The following PSG7 variants were observed in gnomAD, a reference collection of about 807,000 sequenced individuals.
PSG7 encodes pregnancy specific beta-1-glycoprotein 7.
Under a neutral mutation model 45.6 loss-of-function variants are expected in PSG7, and 57 were observed. That is an observed-to-expected ratio of 1.25 (90% CI 1.01 to 1.56). The LOEUF (loss-of-function observed/expected upper bound fraction) is 1.56. Ranked by LOEUF, PSG7 falls within the 40% of genes most tolerant of loss-of-function variation. PSG7 has a pLI of 0.00. For missense variants in PSG7, 796 were observed against 508.4 expected, an observed-to-expected ratio of 1.57 and a Z score of -5.44; for synonymous variants, 298 against 194.4, an observed-to-expected ratio of 1.53 and a Z score of -4.43.
chr19:42,932,256 C>T (rs1194556990), intron 2 of PSG7, among the ~76,000 whole-genome samples: 3 of 151,458 alleles, frequency 2.0e-5, no homozygotes, highest in Non-Finnish European at 4.4e-5. Context: ...ATCTCCTGAC[C>T]TTGTGCCTGC....
rs782164775 is a variant in PSG7, at chr19:42,935,471, A to C, written c.363T>G (p.Thr121=). 1 of 1,612,140 alleles carries C rather than the reference A, an allele frequency of 6.2e-7. No homozygotes were observed. The highest frequency in any genetic ancestry group is 1.7e-5 in the Admixed American group (1 of 59,880). The stretch of plus-strand genomic sequence containing the variant: ...CATCACCTCGCTTTATGATGTGTAA[A>C]GTGTAGGATCCTGTGTCTTCCTGGG... ...NVTQEDTGSY[T]LHIIKRGDGT... is the part of the protein sequence containing the mutation. The change falls in exon 2 of 6, where the codon ACT becomes ACG. Residue 121 remains threonine (T), a synonymous_variant. Coordinates refer to ENST00000406070, the MANE Select transcript of PSG7 (RefSeq NM_002783.3).
At position 42,926,487 on chromosome 19, in the gene PSG7, C is replaced by G; in HGVS notation, c.939G>C (p.Arg313=). Residue 313 remains arginine, a synonymous_variant, in exon 4 of 6, where the codon CGG becomes CGC. Coordinates refer to ENST00000406070, the MANE Select transcript of PSG7 (RefSeq NM_002783.3). Reference sequence around the variant, plus strand: ...CACTGCGGATGCCACCATATCGGTCCCGTATTTCACATTGATAGGGTCCTG... The same window carrying G: ...CACTGCGGATGCCACCATATCGGTCGCGTATTTCACATTGATAGGGTCCTG... ...NETGPYQCEI[R]DRYGGIRSDP... 6.2e-7 allele frequency: 1 copy of G among 1,611,468 alleles called. No homozygotes were observed. The highest frequency in any genetic ancestry group is 1.3e-5 in the African/African-American group (1 of 74,666).
rs1301704518 is a variant in PSG7, at chr19:42,936,896, C to T, written c.64+117G>A. The T allele has an allele frequency of 2.0e-6, 3 of 1,464,542 alleles. No homozygotes were observed. The African/African-American group carries it at 4.2e-5, about 21-fold the overall frequency. The allele number at this position is 1,464,542 out of a possible 1,614,324, so 90.7% of individuals were successfully genotyped here. A position where few individuals can be genotyped will look rare whatever the true frequency, so the allele number is the denominator to read the frequency against. Reference sequence around the variant, plus strand: ...ACTCCTGATCTCTTGATCCACCCACCTCAGCCTCCCAAAGTGCTGGCTTCT... The same window carrying T: ...ACTCCTGATCTCTTGATCCACCCACTTCAGCCTCCCAAAGTGCTGGCTTCT... On this transcript the variant is annotated intron_variant, in intron 1 of 5. Coordinates refer to ENST00000406070, the MANE Select transcript of PSG7 (RefSeq NM_002783.3).
In PSG7 at chr19:42,928,644, C is replaced by T. The variant is rs578044108; in HGVS notation, c.709+798G>A. On this transcript the variant is annotated intron_variant, in intron 3 of 5. Coordinates refer to ENST00000406070, the MANE Select transcript of PSG7 (RefSeq NM_002783.3). ...GAAAGAGTGAAGGGTACAGGCAAAACCTGGTGGTTTTGGAGCAGAAATATA... is the reference window on the plus strand; with the variant it reads ...GAAAGAGTGAAGGGTACAGGCAAAATCTGGTGGTTTTGGAGCAGAAATATA... 2.6e-4 allele frequency among the ~76,000 whole-genome samples: 40 copies of T among 151,360 alleles called. 1 individual carries two copies. Among genetic ancestry groups the T allele is most frequent in the African/African-American group, 7.0e-4 (29 of 41,200 alleles).
At chr19:42,929,081 G>T (rs556064212) in intron 3 of PSG7, 4 of 342,902 alleles carry the variant, frequency 1.2e-5, no homozygotes, top group Admixed American at 4.0e-5. Context: ...GATATTGTCA[G>T]AGGGAAGGTA....
intron 3 of PSG7, among the ~76,000 whole-genome samples, chr19:42,928,905 C>T (rs1053141344): frequency 6.6e-6 from 1 of 151,502 alleles, no homozygotes; most frequent in South Asian, 2.1e-4. Context: ...AACACTTGTA[C>T]TGATTGCTGG....
chr19:42,932,546 C>G (rs1973043419), intron 2 of PSG7, among the ~76,000 whole-genome samples: 1 of 151,424 alleles, frequency 6.6e-6, no homozygotes, highest in African/African-American at 2.4e-5. Flanking sequence ...CTTCCAGCCT[C>G]TGACACCCTG....
At position 42,924,603 on chromosome 19, in the gene PSG7, T is replaced by C. The variant is rs1972485904; in HGVS notation, c.*205A>G. ...CCACAGTGTGAAGTCATCAACTTGT[T>C]TTCCTTGTTTACAGTTTGAGCAGCT... On this transcript the variant is annotated 3_prime_UTR_variant, in exon 6 of 6. Coordinates refer to ENST00000406070, the MANE Select transcript of PSG7 (RefSeq NM_002783.3). 4.7e-6 allele frequency: 3 copies of C among 637,894 alleles called. No individual in the cohort carries two copies. The highest frequency in any genetic ancestry group is 8.4e-6 in the Non-Finnish European group (3 of 357,008). The allele number at this position is 637,894 out of a possible 1,614,324, so 39.5% of individuals were successfully genotyped here. A position where few individuals can be genotyped will look rare whatever the true frequency, so the allele number is the denominator to read the frequency against.
chr19:42,925,848 C>T lies in PSG7; in HGVS notation c.1168G>A (p.Gly390Arg), dbSNP rs373375784. 7.0e-5 allele frequency: 113 copies of T among 1,611,910 alleles called. 2 individuals are homozygous for T. The highest frequency in any genetic ancestry group is 8.2e-5 in the Non-Finnish European group (97 of 1,179,044). ...SIPQITTKHS[G>R]LYACSVRNSA... is the part of the protein sequence containing the mutation. Reference sequence around the variant, plus strand: ...TTACGAACAGAGCAAGCATAGAGCCCGCTATGCTTTGTAGTAATCTGGGGG... The same window carrying T: ...TTACGAACAGAGCAAGCATAGAGCCTGCTATGCTTTGTAGTAATCTGGGGG... The change falls in exon 5 of 6, where the codon GGG (glycine) becomes AGG (arginine). Residue 390 changes from glycine (G) to arginine (R), a missense_variant. Physicochemically the swap from Gly to Arg is moderately radical, Grantham distance 125. Coordinates refer to ENST00000406070, the MANE Select transcript of PSG7 (RefSeq NM_002783.3).
intron 3 of PSG7, chr19:42,926,987 C>T: frequency 5.0e-6 from 3 of 601,906 alleles, no homozygotes; most frequent in Non-Finnish European, 8.0e-6. Context: ...GTGGGAGTCA[C>T]AGCGCCTGGT....
intron 2 of PSG7, among the ~76,000 whole-genome samples, chr19:42,930,879 C>T (rs902720972): frequency 2.0e-5 from 3 of 151,630 alleles, no homozygotes; most frequent in African/African-American, 4.8e-5. Context: ...ATAAAGTGCT[C>T]CTTATGCAGA....
intron 2 of PSG7, among the ~76,000 whole-genome samples, chr19:42,930,130 G>A (rs952555917): frequency 6.6e-6 from 1 of 151,592 alleles, no homozygotes. Context: ...TTTCTCTTCA[G>A]CTTCCCTTTC....
Position 42,937,019 on chromosome 19 carries a change from G to C in PSG7, c.58C>G (p.Leu20Val), listed in dbSNP as rs568904102. 2.5e-5 allele frequency: 41 copies of C among 1,611,352 alleles called. No homozygotes were observed. In the East Asian group the frequency reaches 8.3e-4, roughly 32 times the overall value. Reference protein sequence around the residue: ...TQHITWKGLLLTASLLNFWNP... With the variant: ...TQHITWKGLLVTASLLNFWNP... Reference sequence around the variant, plus strand: ...CAGGAAGTTCTCTCCTCACCTGTGAGCAGGAGCCCTTTCCAGGTTATATGC... The same window carrying C: ...CAGGAAGTTCTCTCCTCACCTGTGACCAGGAGCCCTTTCCAGGTTATATGC... The change falls in exon 1 of 6, where the codon CTC (leucine) becomes GTC (valine). Residue 20 changes from leucine (L) to valine (V), a missense_variant. Physicochemically the swap from Leu to Val is conservative, Grantham distance 32 (BLOSUM62 1). Transcript: ENST00000406070.
rs770203985 is a variant in PSG7, at chr19:42,930,335, C to G, written c.431-615G>C. 3.8e-4 allele frequency among the ~76,000 whole-genome samples: 58 copies of G among 151,618 alleles called. 1 individual carries two copies. Among genetic ancestry groups the G allele is most frequent in the Admixed American group, 7.9e-4 (12 of 15,194 alleles). ...AGTTTTCCCAGGTGTCTCATAGTGA[C>G]TGACTTGAGCCAGTGACCTCTAAAG... is the stretch of plus-strand genomic sequence containing the variant. On this transcript the variant is annotated intron_variant, in intron 2 of 5. Transcript: ENST00000406070.
rs1332793302 is a variant in PSG7, at chr19:42,937,100, C to T, written c.-24G>A. ...ATGGTCTCTGCTCCCTGCGTGTTCT[C>T]CTCTGTGGAGATGAGCCTAGGATCC... On this transcript the variant is annotated 5_prime_UTR_variant, in exon 1 of 6. Coordinates refer to ENST00000406070, the MANE Select transcript of PSG7 (RefSeq NM_002783.3). 1 of 1,608,074 alleles carries T rather than the reference C, an allele frequency of 6.2e-7. No homozygotes were observed. The highest frequency in any genetic ancestry group is 2.2e-5 in the East Asian group (1 of 44,662).
intron 2 of PSG7, among the ~76,000 whole-genome samples, chr19:42,933,885 G>T (rs530585110): frequency 4.6e-4 from 70 of 151,496 alleles, no homozygotes; most frequent in African/African-American, 1.3e-3. Flanking sequence ...GGCTTTAGGG[G>T]CAAGAGGTAG....
rs191278695 is a variant in PSG7 at position 42,935,378 on chromosome 19, C to T, written c.430+26G>A. ...TAGAAATGACCCCTGCCCCCCAACA[C>T]CCAGGGACCATGTGGAATCACTCAC... On this transcript the variant is annotated intron_variant, in intron 2 of 5. Coordinates refer to ENST00000406070, the MANE Select transcript of PSG7 (RefSeq NM_002783.3). The T allele has an allele frequency of 2.2e-5, 36 of 1,610,792 alleles. No individual in the cohort carries two copies. The East Asian group carries it at 2.7e-4, about 12-fold the overall frequency.
chr19:42,932,092 C>A (rs1231067367), intron 2 of PSG7, among the ~76,000 whole-genome samples: 1 of 151,250 alleles, frequency 6.6e-6, no homozygotes, highest in African/African-American at 2.4e-5. Flanking sequence ...GGCATGATCT[C>A]AGCTCACTGC....
Position 42,937,171 on chromosome 19 carries a change from T to A in PSG7, c.-95A>T. ...TGTCAGCTGTGCTGTCCTTCCTCCT[T>A]CTGCACTGAGCCTCTTCCCGGGGCA... On this transcript the variant is annotated 5_prime_UTR_variant, in exon 1 of 6. Coordinates refer to ENST00000406070, the MANE Select transcript of PSG7 (RefSeq NM_002783.3). 4.6e-6 allele frequency: 7 copies of A among 1,512,076 alleles called. No individual in the cohort carries two copies. Among genetic ancestry groups the A allele is most frequent in the Non-Finnish European group, 6.3e-6 (7 of 1,108,814 alleles). The allele number at this position is 1,512,076 out of a possible 1,614,324, so 93.7% of individuals were successfully genotyped here. A position where few individuals can be genotyped will look rare whatever the true frequency, so the allele number is the denominator to read the frequency against.
Sources: gnomAD v4.1 joint callset for allele counts (sites outside exome capture counted in the v4.1 genomes callset) on GRCh38, gnomAD v4.1.1 for gene constraint, MANE v1.5 for transcripts, NCBI Gene and HGNC (gene_info 2026-07-23, HGNC 2026-07-21) for gene names.